Variants in ADGRL2 observed in about 807,000 individuals in gnomAD.
ADGRL2 encodes adhesion G protein-coupled receptor L2, also known as calcium-independent alpha-latrotoxin receptor 2.
ADGRL2 carries 44 observed loss-of-function variants against 157.4 expected under a neutral mutation model. The observed-to-expected ratio is 0.28, with a 90% confidence interval of 0.22 to 0.36. The LOEUF is 0.36. ADGRL2 is among the 10% of genes least tolerant of loss of function. The pLI is 1.00. For missense variants in ADGRL2, 1,510 were observed against 1,768.9 expected, an observed-to-expected ratio of 0.85 and a Z score of 2.63; for synonymous variants, 585 against 624.7, an observed-to-expected ratio of 0.94 and a Z score of 0.95.
chr1:81,518,923 T>G (rs2079245409), intron 2 of ADGRL2, among the ~76,000 whole-genome samples: 3 of 152,232 alleles, frequency 2.0e-5, no homozygotes, highest in Admixed American at 1.3e-4. Context: ...AAGCATTACT[T>G]TTTTCTGTCT....
At chr1:81,360,224 C>A (rs563358038) in intron 1 of ADGRL2, among the ~76,000 whole-genome samples, 9 of 152,084 alleles carry the variant, frequency 5.9e-5, no homozygotes, top group Non-Finnish European at 1.2e-4. Flanking sequence ...TCAAGAACAG[C>A]CTTTGAACTG....
At chr1:81,921,822 G>C (rs1373781514) in intron 3 of ADGRL2, among the ~76,000 whole-genome samples, 1 of 152,220 alleles carries the variant, frequency 6.6e-6, no homozygotes, top group South Asian at 2.1e-4. Flanking sequence ...AACCATGCTT[G>C]GCTTCTGAAA....
intron 3 of ADGRL2, among the ~76,000 whole-genome samples, chr1:81,690,035 CTTACT>C (rs919983918): frequency 1.3e-5 from 2 of 152,180 alleles, no homozygotes; most frequent in Admixed American, 6.5e-5. Context: ...TTGACCCCAA[CTTACT>C]TACTCACAGG....
chr1:81,416,520 T>C (rs549936748), intron 1 of ADGRL2, among the ~76,000 whole-genome samples: 17 of 152,356 alleles, frequency 1.1e-4, no homozygotes, highest in Non-Finnish European at 2.2e-4. Flanking sequence ...TGAATACATG[T>C]AGTAGATTAA....
intron 3 of ADGRL2, chr1:81,581,004 A>C (rs923885275): frequency 3.3e-5 from 5 of 152,178 alleles, no homozygotes; most frequent in African/African-American, 1.2e-4. Flanking sequence ...CCTTCCAAAC[A>C]ATTGTTTTTC....
chr1:81,573,499 C>A (rs932309775), intron 2 of ADGRL2, among the ~76,000 whole-genome samples: 3 of 152,074 alleles, frequency 2.0e-5, no homozygotes, highest in African/African-American at 2.4e-5. Flanking sequence ...CTACTAATAG[C>A]CATCCCAGCA....
chr1:81,864,301 AAGTCAGCATATATATC>A (rs538774444), intron 2 of ADGRL2, among the ~76,000 whole-genome samples: 282 of 3,570 alleles, frequency 0.079, no homozygotes, highest in African/African-American at 0.08. Flanking sequence ...CATGTGTCTG[AAGTCAGCATATATATC>A]AGTTGGCAAA....
At chr1:81,687,318 G>A (rs928575146) in intron 3 of ADGRL2, among the ~76,000 whole-genome samples, 3 of 152,148 alleles carry the variant, frequency 2.0e-5, no homozygotes, top group African/African-American at 7.2e-5. Flanking sequence ...AAATTTGGGA[G>A]CACTAGTATT....
At chr1:81,335,216 G>C (rs1661551972) in intron 1 of ADGRL2, among the ~76,000 whole-genome samples, 2 of 152,120 alleles carry the variant, frequency 1.3e-5, no homozygotes, top group Non-Finnish European at 1.5e-5. Context: ...TGCTTCTGCA[G>C]TTAAAAATAC....
At chr1:81,839,749 AT>A (rs1426385997) in intron 2 of ADGRL2, among the ~76,000 whole-genome samples, 2 of 148,380 alleles carry the variant, frequency 1.3e-5, no homozygotes, top group African/African-American at 4.9e-5. Context: ...CATCATATAT[AT>A]ATATGTATTT....
intron 2 of ADGRL2, among the ~76,000 whole-genome samples, chr1:81,525,442 C>T (rs548295703): frequency 5.9e-5 from 9 of 152,078 alleles, no homozygotes; most frequent in East Asian, 1.9e-4. Flanking sequence ...CTCAGCCTCC[C>T]GAACAGCTGG....
At chr1:81,362,261 C>T (rs560833363) in intron 1 of ADGRL2, among the ~76,000 whole-genome samples, 39 of 151,882 alleles carry the variant, frequency 2.6e-4, no homozygotes, top group East Asian at 7.8e-4. Flanking sequence ...TATCCCTCTG[C>T]GTCCTCTCTC....
At chr1:81,826,295 T>A (rs1286606613) in intron 1 of ADGRL2, among the ~76,000 whole-genome samples, 2 of 152,254 alleles carry the variant, frequency 1.3e-5, no homozygotes, top group Admixed American at 6.5e-5. Context: ...GAAGGTTATA[T>A]GTATAATTCA....
intron 3 of ADGRL2, among the ~76,000 whole-genome samples, chr1:81,599,592 A>G: frequency 6.6e-6 from 1 of 152,198 alleles, no homozygotes; most frequent in Non-Finnish European, 1.5e-5. Context: ...TGATAATGGA[A>G]TTAGAATTTC....
chr1:81,726,519 C>T (rs773605034), intron 1 of ADGRL2, among the ~76,000 whole-genome samples: 10 of 152,186 alleles, frequency 6.6e-5, no homozygotes, highest in Non-Finnish European at 1.3e-4. Flanking sequence ...ATAGCCATGA[C>T]TGTATTGGAC....
intron 1 of ADGRL2, among the ~76,000 whole-genome samples, chr1:81,825,011 C>T (rs1254204886): frequency 1.4e-5 from 2 of 147,240 alleles, no homozygotes; most frequent in African/African-American, 2.5e-5. Context: ...TACCATTCCC[C>T]TTTCATTCCA....
chr1:81,909,583 G>A (rs1426462615), intron 3 of ADGRL2, among the ~76,000 whole-genome samples: 1 of 152,164 alleles, frequency 6.6e-6, no homozygotes, highest in Non-Finnish European at 1.5e-5. Context: ...CTGTCAATAT[G>A]ACAGATGTGT....
chr1:81,697,292 CTG>C (rs1325651133), upstream of ADGRL2, among the ~76,000 whole-genome samples: 1 of 152,152 alleles, frequency 6.6e-6, no homozygotes, highest in Admixed American at 6.5e-5. Flanking sequence ...CATAAGGACA[CTG>C]TGTTTCTTGT....
intron 3 of ADGRL2, among the ~76,000 whole-genome samples, chr1:81,676,677 G>A (rs2082997667): frequency 6.6e-6 from 1 of 151,662 alleles, no homozygotes; most frequent in African/African-American, 2.4e-5. Context: ...GAACTCACTG[G>A]ATTTATTTTA....
Sources: allele counts gnomAD v4.1 joint callset (sites outside exome capture counted in the v4.1 genomes callset), GRCh38; gene constraint gnomAD v4.1.1; transcripts MANE v1.5; gene names NCBI Gene and HGNC (gene_info 2026-07-23, HGNC 2026-07-21).